ADAP1: variants seen among roughly 807,000 people sequenced by gnomAD.
The protein encoded by ADAP1 is arf-GAP with dual PH domain-containing protein 1.
A neutral mutation model predicts 54.9 loss-of-function variants in ADAP1; 31 were observed. The observed-to-expected ratio is 0.56, with a 90% confidence interval of 0.42 to 0.76. ADAP1 has a LOEUF of 0.76. ADAP1 is among the 30% of genes least tolerant of loss of function. ADAP1 has a pLI of 0.00. For missense variants in ADAP1, 535 were observed against 512.4 expected, an observed-to-expected ratio of 1.04 and a Z score of -0.42; for synonymous variants, 313 against 202.6, an observed-to-expected ratio of 1.55 and a Z score of -4.63.
rs115062838 is a variant in ADAP1 at position 907,353 on chromosome 7, A to G, written c.389-2181T>C. On this transcript the variant is annotated intron_variant, in intron 4 of 10. Transcript: ENST00000265846. ...AGGAGGGAAGGGGACGTGGCCGTGG[A>G]AACTGAGGCCAGAGGGGGCCCCAGA... Among the ~76,000 whole-genome samples the G allele has an allele frequency of 4.9e-3, 747 of 152,208 alleles. 4 individuals carry two copies. The highest frequency in any genetic ancestry group is 0.017 in the African/African-American group (698 of 41,534).
intron 3 of ADAP1, among the ~76,000 whole-genome samples, chr7:921,226 G>A (rs935676481): frequency 4.6e-5 from 7 of 152,176 alleles, no homozygotes; most frequent in East Asian, 1.9e-4. Flanking sequence ...CCACCTCGGC[G>A]CCGTCCTCAC....
intron 6 of ADAP1, 23 bp downstream of exon 6, chr7:904,103 C>G (rs1368197978): frequency 1.2e-6 from 2 of 1,610,688 alleles, no homozygotes; most frequent in Non-Finnish European, 1.7e-6. Flanking sequence ...GCCACCCGGG[C>G]CCGAGTGCTC....
chr7:954,232 G>A (rs976112436), intron 1 of ADAP1, among the ~76,000 whole-genome samples, 164 bp downstream of exon 1: 1 of 151,368 alleles, frequency 6.6e-6, no homozygotes. Context: ...GTGCAGCCGG[G>A]CCCGGGCCCC....
chr7:936,859 G>T (rs937121129), intron 1 of ADAP1, among the ~76,000 whole-genome samples: 1 of 152,338 alleles, frequency 6.6e-6, no homozygotes, highest in Middle Eastern at 3.4e-3. Context: ...CACCCTTCAG[G>T]CCTGGCGGAG....
At chr7:916,758 G>A (rs373668089) in intron 4 of ADAP1, among the ~76,000 whole-genome samples, 106 of 152,252 alleles carry the variant, frequency 7.0e-4, no homozygotes, top group African/African-American at 2.3e-3. Flanking sequence ...GTGGGGGTTG[G>A]GGGGGCAGGA....
Position 926,688 on chromosome 7 carries a change from G to A in ADAP1, c.214-44C>T. The A allele has an allele frequency of 2.0e-6, 3 of 1,484,736 alleles. No homozygotes were observed. Among genetic ancestry groups the A allele is most frequent in the Non-Finnish European group, 2.7e-6 (3 of 1,105,812 alleles). 92.0% of individuals were successfully genotyped at this position (1,484,736 alleles called of 1,614,324 possible). On this transcript the variant is annotated intron_variant, in intron 2 of 10. Transcript: ENST00000265846. The surrounding 1 kb of genome is among the most constrained non-coding windows in gnomAD (Gnocchi z 4.6). ...CGGGTCAGAGGCCTGGGGTCCCAGG[G>A]GCAGCCTAGGAGGTGCCAGCTGCCC...
At chr7:904,624 G>T (rs115107801) in intron 5 of ADAP1, among the ~76,000 whole-genome samples, 1 of 152,280 alleles carries the variant, frequency 6.6e-6, no homozygotes, top group East Asian at 1.9e-4. Flanking sequence ...GGCTCAGGGC[G>T]GGTGCTTCTG....
chr7:950,775 T>C (rs1266750382), intron 1 of ADAP1, among the ~76,000 whole-genome samples: 5 of 147,760 alleles, frequency 3.4e-5, no homozygotes, highest in Non-Finnish European at 5.9e-5. Flanking sequence ...GAGAATCGTT[T>C]GAACCCAGGA....
At position 920,296 on chromosome 7, in the gene ADAP1, G is replaced by T. The variant is rs77987340; in HGVS notation, c.306-246C>A. Among the ~76,000 whole-genome samples the T allele has an allele frequency of 6.6e-6, 1 of 152,068 alleles. No individual in the cohort carries two copies. Among genetic ancestry groups the T allele is most frequent in the South Asian group, 2.1e-4 (1 of 4,826 alleles). On this transcript the variant is annotated intron_variant, in intron 3 of 10. Coordinates refer to ENST00000265846, the MANE Select transcript of ADAP1 (RefSeq NM_006869.4). The surrounding 1 kb of genome is among the most constrained non-coding windows in gnomAD (Gnocchi z 4.5). ...CGGCCCCCGGAGCATCAGGCCTCACGTTCTGCACAAGCGTTCCCGGTGGAC... is the reference window on the plus strand; with the variant it reads ...CGGCCCCCGGAGCATCAGGCCTCACTTTCTGCACAAGCGTTCCCGGTGGAC...
At chr7:915,267 C>G (rs2128102680) in intron 4 of ADAP1, among the ~76,000 whole-genome samples, 1 of 152,256 alleles carries the variant, frequency 6.6e-6, no homozygotes, top group African/African-American at 2.4e-5. Context: ...CTGTGCCGCA[C>G]ACACCCGTAC....
chr7:944,335 AC>A (rs1392959747), intron 1 of ADAP1, among the ~76,000 whole-genome samples: 5 of 149,922 alleles, frequency 3.3e-5, no homozygotes, highest in Admixed American at 2.7e-4. Context: ...GCTCACTGCA[AC>A]CTTTGCCTCT....
At chr7:932,180 G>C (rs181284924) in intron 2 of ADAP1, among the ~76,000 whole-genome samples, 176 of 152,308 alleles carry the variant, frequency 1.2e-3, no homozygotes, top group African/African-American at 4.1e-3. Flanking sequence ...CCCCAGCTCA[G>C]TGCTCTCCCA....
chr7:920,060 G>A lies in ADAP1; in HGVS notation c.306-10C>T. On this transcript the variant is annotated splice_polypyrimidine_tract_variant and intron_variant, in intron 3 of 10. Coordinates refer to ENST00000265846, the MANE Select transcript of ADAP1 (RefSeq NM_006869.4). This position sits in a 1 kb window ranked among gnomAD's most constrained non-coding sequence, Gnocchi z 4.5. ...CTGCTCTCGAAGGAGCCTGTGGGGAGAGGAGAGACTGAGCCACTGGGCCAA... is the reference window on the plus strand; with the variant it reads ...CTGCTCTCGAAGGAGCCTGTGGGGAAAGGAGAGACTGAGCCACTGGGCCAA... 2 of 1,604,038 alleles carry A rather than the reference G, an allele frequency of 1.2e-6. No individual in the cohort carries two copies. Among genetic ancestry groups the A allele is most frequent in the Non-Finnish European group, 1.7e-6 (2 of 1,179,094 alleles).
intron 2 of ADAP1, among the ~76,000 whole-genome samples, chr7:931,685 C>G (rs1375901373): frequency 1.3e-5 from 2 of 151,534 alleles, no homozygotes; most frequent in Non-Finnish European, 2.9e-5. Flanking sequence ...TCAACTGTGC[C>G]CTTTACACGG....
At chr7:924,544 T>C (rs13230191) in intron 3 of ADAP1, among the ~76,000 whole-genome samples, 24,236 of 85,694 alleles carry the variant, frequency 0.28, 3,698 homozygotes, top group East Asian at 0.37. Context: ...CTGCACCCCC[T>C]GCCCTCCAGG....
At position 906,738 on chromosome 7, in the gene ADAP1, A is replaced by AG. The variant is rs1583136744; in HGVS notation, c.389-1567dup. Among the ~76,000 whole-genome samples, 42 of 25,480 alleles carry AG rather than the reference A, an allele frequency of 1.6e-3. 2 individuals are homozygous for AG. The East Asian group carries it at 0.022, about 13-fold the overall frequency. 16.7% of individuals were successfully genotyped at this position (25,480 alleles called of 152,430 possible). A position where few individuals can be genotyped will look rare whatever the true frequency, so the allele number is the denominator to read the frequency against. On this transcript the variant is annotated intron_variant, in intron 4 of 10. Transcript: ENST00000265846. ...ACATCGGGGACGGGACATGGGGGAC[A>AG]GAGTACATAGGGGACATGGACAGGG... is the stretch of plus-strand genomic sequence containing the variant.
chr7:924,905 C>T (rs566365648), intron 3 of ADAP1, among the ~76,000 whole-genome samples: 21 of 152,190 alleles, frequency 1.4e-4, no homozygotes, highest in Non-Finnish European at 2.6e-4. Context: ...GCCCGGGGCA[C>T]GGCCAGGGCA....
At chr7:904,036 T>A in intron 6 of ADAP1, 90 bp downstream of exon 6, 1 of 1,558,750 alleles carries the variant, frequency 6.4e-7, no homozygotes, top group East Asian at 2.3e-5. Context: ...TACCCTCCCG[T>A]ACCGTCCAAG....
chr7:915,282 C>T (rs1337546730), intron 4 of ADAP1, among the ~76,000 whole-genome samples: 7 of 152,132 alleles, frequency 4.6e-5, no homozygotes, highest in African/African-American at 1.4e-4. Flanking sequence ...CCGTACATCT[C>T]GTCTGTGTAC....
Sources: gnomAD v4.1 joint callset for allele counts (sites outside exome capture counted in the v4.1 genomes callset) on GRCh38, gnomAD v4.1.1 for gene constraint, Gnocchi (gnomAD v3.1) non-coding constraint, MANE v1.5 for transcripts, NCBI Gene and HGNC (gene_info 2026-07-23, HGNC 2026-07-21) for gene names.